PCDHA4: variants seen among roughly 807,000 people sequenced by gnomAD.
The protein encoded by PCDHA4 is protocadherin alpha 4.
A neutral mutation model predicts 61.4 loss-of-function variants in PCDHA4; 49 were observed. The observed-to-expected ratio is 0.80, with a 90% CI of 0.63 to 1.01. The LOEUF (loss-of-function observed/expected upper bound fraction) is 1.01, where lower values mean the gene tolerates loss of function less well. Ranked by LOEUF, PCDHA4 falls within the 50% of genes least tolerant of loss-of-function variation. The probability of loss-of-function intolerance (pLI) is 0.00; values close to 1 mark genes in which losing one functional copy is unlikely to be tolerated. For synonymous variants in PCDHA4, 590 were observed against 550.3 expected (o/e 1.07, Z -1.01); for missense variants, 1,254 against 1,235.8 (o/e 1.01, Z -0.22).
chr5:140,875,724 G>T, intron 1 of PCDHA4: 1 of 1,614,244 alleles, frequency 6.2e-7, no homozygotes, highest in Non-Finnish European at 8.5e-7. Flanking sequence ...ATGGCATTTT[G>T]TTTGTGAATT....
intron 3 of PCDHA4, among the ~76,000 whole-genome samples, chr5:140,991,200 A>C (rs2097437692): frequency 6.6e-6 from 1 of 152,234 alleles, no homozygotes; most frequent in Admixed American, 6.5e-5. Context: ...AATGATGCTC[A>C]ATAAATTTTG....
intron 1 of PCDHA4, chr5:140,884,243 C>A: frequency 6.2e-7 from 1 of 1,613,466 alleles, no homozygotes; most frequent in Non-Finnish European, 8.5e-7. Flanking sequence ...TGAGCCCGCG[C>A]TGACGGCCAC....
intron 3 of PCDHA4, among the ~76,000 whole-genome samples, chr5:140,998,104 G>A (rs1554256160): frequency 6.6e-6 from 1 of 152,132 alleles, no homozygotes; most frequent in African/African-American, 2.4e-5. Context: ...GCAAACAGAG[G>A]AGAAAATTTA....
intron 3 of PCDHA4, among the ~76,000 whole-genome samples, chr5:140,999,159 G>T (rs1056236953): frequency 6.6e-6 from 1 of 152,182 alleles, no homozygotes; most frequent in Non-Finnish European, 1.5e-5. Flanking sequence ...CAGTCCCCTA[G>T]AAGGAAAAGA....
chr5:140,882,024 G>A lies in PCDHA4; in HGVS notation c.2385+72452G>A, dbSNP rs4151690. On this transcript the variant is annotated intron_variant, in intron 1 of 3. Transcript: ENST00000530339. ...AGGGGCAAAAAAATACTACATCAAT[G>A]GAAAATATGAAGACTGAGTCATACT... is the stretch of plus-strand genomic sequence containing the variant. 118 of 580,388 alleles carry A rather than the reference G, an allele frequency of 2.0e-4. 2 individuals carry two copies. The highest frequency in any genetic ancestry group is 1.6e-3 in the East Asian group (53 of 32,696). The allele number at this position is 580,388 out of a possible 1,614,324, so 36.0% of individuals were successfully genotyped here. A position where few individuals can be genotyped will look rare whatever the true frequency, so the allele number is the denominator to read the frequency against.
intron 1 of PCDHA4, among the ~76,000 whole-genome samples, chr5:140,833,607 C>A (rs1037062393): frequency 6.6e-6 from 1 of 152,056 alleles, no homozygotes; most frequent in East Asian, 1.9e-4. Flanking sequence ...TCTGCTAAAG[C>A]AAAAAATTCA....
intron 1 of PCDHA4, chr5:140,876,163 A>AC (rs782492210): frequency 6.2e-7 from 1 of 1,613,966 alleles, no homozygotes; most frequent in South Asian, 1.1e-5. Flanking sequence ...GATTCAAATA[A>AC]CCGTCCTGGA....
intron 1 of PCDHA4, chr5:140,822,197 T>A (rs1767226544): frequency 6.2e-7 from 1 of 1,614,220 alleles, no homozygotes; most frequent in Middle Eastern, 1.6e-4. Context: ...AGATTATTCA[T>A]TTTAGAGTCA....
chr5:140,869,250 G>C (rs371660992), intron 1 of PCDHA4: 4 of 1,613,636 alleles, frequency 2.5e-6, no homozygotes, highest in East Asian at 2.2e-5. Flanking sequence ...GCCGCATCGC[G>C]CAGGACCTGG....
At chr5:140,946,342 A>G (rs2093932164) in intron 1 of PCDHA4, among the ~76,000 whole-genome samples, 1 of 151,846 alleles carries the variant, frequency 6.6e-6, no homozygotes, top group African/African-American at 2.4e-5. Context: ...CAAGTGATGG[A>G]GAGGATGTGG....
At chr5:140,871,425 T>A (rs782021225) in intron 1 of PCDHA4, 7 of 1,613,404 alleles carry the variant, frequency 4.3e-6, no homozygotes, top group Admixed American at 3.3e-5. Flanking sequence ...TCAGCCCCAG[T>A]CTTCCTCTAG....
intron 1 of PCDHA4, chr5:140,823,857 T>G (rs2150129771): frequency 6.2e-7 from 1 of 1,613,804 alleles, no homozygotes; most frequent in Admixed American, 1.7e-5. Context: ...CCCTGGTGGA[T>G]GTCAACGTGT....
At chr5:140,883,024 A>G (rs782136244) in intron 1 of PCDHA4, 3 of 1,614,184 alleles carry the variant, frequency 1.9e-6, no homozygotes, top group Non-Finnish European at 2.5e-6. Context: ...TGACGGTGTT[A>G]GAGAACGCCT....
chr5:140,936,987 T>A (rs996790487), intron 1 of PCDHA4, among the ~76,000 whole-genome samples: 1 of 152,170 alleles, frequency 6.6e-6, no homozygotes, highest in Non-Finnish European at 1.5e-5. Flanking sequence ...CTTGTTAACA[T>A]TGACAATATT....
In PCDHA4 at chr5:140,856,431, A is replaced by G. The variant is rs782173275; in HGVS notation, c.2385+46859A>G. 21 of 1,597,862 alleles carry G rather than the reference A, an allele frequency of 1.3e-5. 4 individuals are homozygous for G. In the South Asian group the frequency reaches 2.2e-4, roughly 17 times the overall value. On this transcript the variant is annotated intron_variant, in intron 1 of 3. Transcript: ENST00000530339. ...GTGGAAGTGAAGGACATTAACGACA[A>G]CCCGCCCAGGTTCTCCGTAACAGAA...
chr5:140,824,026 C>T, intron 1 of PCDHA4: 1 of 1,614,146 alleles, frequency 6.2e-7, no homozygotes, highest in Non-Finnish European at 8.5e-7. Flanking sequence ...GTCGTACTCG[C>T]AGCAGAGGAG....
At chr5:140,884,559 C>T (rs782174598) in intron 1 of PCDHA4, 2 of 1,614,094 alleles carry the variant, frequency 1.2e-6, no homozygotes, top group Admixed American at 1.7e-5. Context: ...GGGGAGGGCC[C>T]GCATAAGACG....
intron 1 of PCDHA4, chr5:140,812,675 A>G (rs1355656965): frequency 6.6e-6 from 1 of 152,180 alleles, no homozygotes; most frequent in Non-Finnish European, 1.5e-5. Flanking sequence ...GTACAGAGGC[A>G]CGATCATAGC....
intron 1 of PCDHA4, among the ~76,000 whole-genome samples, chr5:140,941,239 C>CTTTCTTTCT (rs2092936825): frequency 7.4e-6 from 1 of 134,500 alleles, no homozygotes; most frequent in South Asian, 2.4e-4. Context: ...TTCTTTCTTT[C>CTTTCTTTCT]TTTCTTTCTT....
Sources: gnomAD v4.1 joint callset for allele counts (sites outside exome capture counted in the v4.1 genomes callset) on GRCh38, gnomAD v4.1.1 for gene constraint, MANE v1.5 for transcripts, NCBI Gene and HGNC (gene_info 2026-07-23, HGNC 2026-07-21) for gene names.